The following CHSY3 variants were observed in gnomAD, a reference collection of about 807,000 sequenced individuals.
CHSY3 encodes chondroitin sulfate synthase 3.
Under a neutral mutation model 67.2 loss-of-function variants are expected in CHSY3, and 35 were observed. That is an observed-to-expected ratio of 0.52 (90% CI 0.40 to 0.69). CHSY3 has a LOEUF of 0.69. Ranked by LOEUF, CHSY3 falls within the 30% of genes least tolerant of loss-of-function variation. CHSY3 has a pLI of 0.00. For synonymous variants in CHSY3, 474 were observed against 434.7 expected, an observed-to-expected ratio of 1.09 and a Z score of -1.12; for missense variants, 1,069 against 1,138.5, an observed-to-expected ratio of 0.94 and a Z score of 0.88.
intron 2 of CHSY3, among the ~76,000 whole-genome samples, chr5:130,172,148 A>G (rs1198293848): frequency 2.0e-5 from 3 of 152,016 alleles, no homozygotes; most frequent in Non-Finnish European, 4.4e-5. Flanking sequence ...CTTTTACAAG[A>G]GAGATCTTGC....
intron 2 of CHSY3, among the ~76,000 whole-genome samples, chr5:129,941,771 T>C (rs1276254513): frequency 5.9e-5 from 9 of 152,036 alleles, no homozygotes; most frequent in African/African-American, 2.2e-4. Context: ...TAGTGTAAGA[T>C]TGCATGGGTT....
chr5:130,052,145 C>T (rs1474162896), intron 2 of CHSY3: 1 of 152,206 alleles, frequency 6.6e-6, no homozygotes, highest in Non-Finnish European at 1.5e-5. Flanking sequence ...AGCTCCTGCT[C>T]TGCATGGTGT....
chr5:130,067,874 G>A (rs564557354), intron 2 of CHSY3, among the ~76,000 whole-genome samples: 2 of 152,238 alleles, frequency 1.3e-5, no homozygotes, highest in Non-Finnish European at 2.9e-5. Flanking sequence ...ATGATTTAAT[G>A]TTACATAGGT....
intron 2 of CHSY3, among the ~76,000 whole-genome samples, chr5:130,064,642 T>C (rs185939640): frequency 1.1e-3 from 172 of 152,294 alleles, no homozygotes; most frequent in African/African-American, 3.9e-3. Context: ...GAGTATACCA[T>C]GTTTAAATCT....
intron 2 of CHSY3, among the ~76,000 whole-genome samples, chr5:129,959,461 ACT>A (rs1260051186): frequency 6.6e-6 from 1 of 152,080 alleles, no homozygotes; most frequent in Admixed American, 6.6e-5. Context: ...GAAAACAAGG[ACT>A]CTCTTCTCTA....
intron 2 of CHSY3, among the ~76,000 whole-genome samples, chr5:130,015,658 T>C (rs1315962653): frequency 6.6e-6 from 1 of 152,162 alleles, no homozygotes; most frequent in Non-Finnish European, 1.5e-5. Flanking sequence ...ATTAGTTCAG[T>C]CACTGTGGAA....
intron 2 of CHSY3, among the ~76,000 whole-genome samples, chr5:130,058,683 T>G (rs1410379398): frequency 6.6e-6 from 1 of 152,208 alleles, no homozygotes; most frequent in South Asian, 2.1e-4. Flanking sequence ...AGGAACATAT[T>G]AATTTTCTAT....
intron 2 of CHSY3, among the ~76,000 whole-genome samples, chr5:130,012,249 C>CATAGACCACTGGGACAGGTTAA (rs1334379600): frequency 1.3e-5 from 2 of 152,156 alleles, no homozygotes; most frequent in Non-Finnish European, 2.9e-5. Context: ...AAAATAGACA[C>CATAGACCACTGGGACAGGTTAA]ATAGACCACT....
At chr5:129,941,028 G>A (rs1164006441) in intron 2 of CHSY3, among the ~76,000 whole-genome samples, 1 of 151,906 alleles carries the variant, frequency 6.6e-6, no homozygotes, top group African/African-American at 2.4e-5. Context: ...AAACCTATCT[G>A]GACAACATAG....
At chr5:130,153,904 C>T (rs1261651230) in intron 2 of CHSY3, among the ~76,000 whole-genome samples, 1 of 148,164 alleles carries the variant, frequency 6.7e-6, no homozygotes, top group Non-Finnish European at 1.5e-5. Flanking sequence ...GGATTTCTGG[C>T]TGTTTTTGTT....
intron 2 of CHSY3, among the ~76,000 whole-genome samples, chr5:130,123,360 T>C (rs141786760): frequency 2.0e-5 from 3 of 152,168 alleles, no homozygotes; most frequent in Non-Finnish European, 1.5e-5. Flanking sequence ...TTATAGAAGA[T>C]AGTCTTTCCA....
intron 2 of CHSY3, among the ~76,000 whole-genome samples, chr5:129,968,791 G>A (rs1278581926): frequency 2.0e-5 from 3 of 151,728 alleles, no homozygotes; most frequent in Non-Finnish European, 2.9e-5. Context: ...GATTATCCAG[G>A]CTCAAGGCAG....
rs146311480 is a variant in CHSY3 at position 129,948,975 on chromosome 5, C to T, written c.1086+40615C>T. Among the ~76,000 whole-genome samples the T allele has an allele frequency of 6.0e-4, 92 of 152,222 alleles. 1 individual carries two copies. The highest frequency in any genetic ancestry group is 3.4e-3 in the Middle Eastern group (1 of 294). On this transcript the variant is annotated intron_variant, in intron 2 of 2. Transcript: ENST00000305031. The stretch of plus-strand genomic sequence containing the variant: ...GGTTGGGCTAGTTTACATTCCCACC[C>T]GGAGATTGCAAAGGTTTTCTCCCAC...
At chr5:130,165,329 G>A (rs1038722603) in intron 2 of CHSY3, among the ~76,000 whole-genome samples, 15 of 152,070 alleles carry the variant, frequency 9.9e-5, no homozygotes, top group African/African-American at 3.6e-4. Flanking sequence ...ATTGGAATTA[G>A]TAATGAGGCT....
intron 2 of CHSY3, among the ~76,000 whole-genome samples, chr5:130,071,039 CAGAG>C (rs1475499744): frequency 6.6e-6 from 1 of 151,728 alleles, no homozygotes; most frequent in African/African-American, 2.4e-5. Flanking sequence ...GATAGATAGA[CAGAG>C]AGACGGATAG....
chr5:130,016,964 A>G lies in CHSY3; in HGVS notation c.1086+108604A>G, dbSNP rs182529967. Among the ~76,000 whole-genome samples the G allele has an allele frequency of 4.8e-3, 733 of 152,220 alleles. 7 individuals carry two copies. Among genetic ancestry groups the G allele is most frequent in the Non-Finnish European group, 7.7e-3 (523 of 68,012 alleles). ...TAGGAAAATGGGTCTTGATAGGGGT[A>G]TGGTATAGGTAATACTGGTGAGAGT... On this transcript the variant is annotated intron_variant, in intron 2 of 2. Coordinates refer to ENST00000305031, the MANE Select transcript of CHSY3 (RefSeq NM_175856.5).
chr5:130,006,973 A>G (rs1009750929), intron 2 of CHSY3, among the ~76,000 whole-genome samples: 2 of 152,198 alleles, frequency 1.3e-5, no homozygotes. Flanking sequence ...GCAGATTCTG[A>G]TTTCAGTTGC....
chr5:130,009,374 C>A (rs4608952), intron 2 of CHSY3, among the ~76,000 whole-genome samples: 88,020 of 151,694 alleles, frequency 0.58, 25,636 homozygotes, highest in Middle Eastern at 0.61. Flanking sequence ...ACTAAGCTTC[C>A]TAAACGAAGG....
chr5:129,958,638 T>G (rs1220273936), intron 2 of CHSY3, among the ~76,000 whole-genome samples: 1 of 152,108 alleles, frequency 6.6e-6, no homozygotes, highest in Non-Finnish European at 1.5e-5. Flanking sequence ...TCAAGCAATC[T>G]TCCTACCTCA....
Sources: allele counts gnomAD v4.1 joint callset (sites outside exome capture counted in the v4.1 genomes callset), GRCh38; gene constraint gnomAD v4.1.1; transcripts MANE v1.5; gene names NCBI Gene and HGNC (gene_info 2026-07-23, HGNC 2026-07-21).